The following FAM13A variants were observed in gnomAD, a reference collection of about 807,000 sequenced individuals.
The protein encoded by FAM13A is family with sequence similarity 13 member A.
FAM13A carries 76 observed loss-of-function variants against 129.6 expected under a neutral mutation model. That is an observed-to-expected ratio of 0.59 (90% CI 0.49 to 0.71). The LOEUF is 0.71. FAM13A is among the 30% of genes least tolerant of loss of function. The probability of loss-of-function intolerance (pLI) is 0.00; values close to 1 mark genes in which losing one functional copy is unlikely to be tolerated. For missense variants in FAM13A, 1,108 were observed against 1,249.3 expected (o/e 0.89, Z 1.70); for synonymous variants, 443 against 449.9 (o/e 0.98, Z 0.20).
At chr4:88,777,552 C>T (rs886959767) in intron 11 of FAM13A, among the ~76,000 whole-genome samples, 5 of 152,278 alleles carry the variant, frequency 3.3e-5, no homozygotes, top group Admixed American at 2.0e-4. Context: ...CCCCTGATTT[C>T]TGAGCTCTGA....
At chr4:88,862,259 T>A (rs937328045) in intron 6 of FAM13A, among the ~76,000 whole-genome samples, 1 of 152,192 alleles carries the variant, frequency 6.6e-6, no homozygotes, top group Non-Finnish European at 1.5e-5. Flanking sequence ...ATATATACAA[T>A]GCTATTTGAG....
At chr4:88,744,033 A>G (rs1171892697) in intron 19 of FAM13A, among the ~76,000 whole-genome samples, 2 of 152,208 alleles carry the variant, frequency 1.3e-5, no homozygotes, top group African/African-American at 4.8e-5. Context: ...TCAGGTTATC[A>G]TAATAGACAG....
chr4:88,818,985 G>A (rs966026553), intron 7 of FAM13A, among the ~76,000 whole-genome samples: 2 of 152,172 alleles, frequency 1.3e-5, no homozygotes, highest in African/African-American at 4.8e-5. Flanking sequence ...GCGATGCTTA[G>A]GAAGAACTGA....
At chr4:88,959,471 T>C (rs931165905) in intron 4 of FAM13A, among the ~76,000 whole-genome samples, 2 of 152,222 alleles carry the variant, frequency 1.3e-5, no homozygotes, top group South Asian at 4.1e-4. Flanking sequence ...TGGCATCTCC[T>C]TGCCTCTGCC....
chr4:89,003,326 G>C (rs1292259244), intron 3 of FAM13A, among the ~76,000 whole-genome samples: 2 of 151,590 alleles, frequency 1.3e-5, no homozygotes, highest in African/African-American at 4.8e-5. Context: ...AATTATGTAA[G>C]TGGGCTGGGC....
chr4:89,035,322 C>G (rs1769242962), intron 1 of FAM13A, among the ~76,000 whole-genome samples: 1 of 151,982 alleles, frequency 6.6e-6, no homozygotes. Context: ...TGCACATGCA[C>G]CCTGAATCTA....
intron 4 of FAM13A, among the ~76,000 whole-genome samples, chr4:88,970,005 G>A (rs1007910703): frequency 2.0e-5 from 3 of 152,114 alleles, no homozygotes. Context: ...AACCAAAACT[G>A]GTCACCCAGC....
intron 3 of FAM13A, among the ~76,000 whole-genome samples, chr4:89,019,491 T>C (rs1260821262): frequency 6.6e-6 from 1 of 152,150 alleles, no homozygotes; most frequent in East Asian, 1.9e-4. Context: ...CCAGGTGCAG[T>C]GGTTCATGCC....
At position 88,854,778 on chromosome 4, in the gene FAM13A, T is replaced by C. The variant is rs193214300; in HGVS notation, c.844-3595A>G. On this transcript the variant is annotated intron_variant, in intron 6 of 23. Transcript: ENST00000264344. ...ATCTGCAAGTGCGCAGTAGCTCTAA[T>C]TGTGGCATTTTTAAGGTGCTTTAGT... is the stretch of plus-strand genomic sequence containing the variant. 1.3e-3 allele frequency among the ~76,000 whole-genome samples: 202 copies of C among 152,352 alleles called. 1 individual carries two copies. Among genetic ancestry groups the C allele is most frequent in the African/African-American group, 4.6e-3 (192 of 41,592 alleles).
intron 13 of FAM13A, among the ~76,000 whole-genome samples, chr4:88,766,460 T>C (rs1234893796): frequency 6.6e-6 from 1 of 152,154 alleles, no homozygotes; most frequent in Admixed American, 6.5e-5. Flanking sequence ...GGCTAAATTA[T>C]CTGGTGAAGA....
chr4:88,745,477 G>A (rs2149450557), intron 19 of FAM13A, among the ~76,000 whole-genome samples: 1 of 152,284 alleles, frequency 6.6e-6, no homozygotes, highest in African/African-American at 2.4e-5. Context: ...CCTTGGGCAT[G>A]GAAGTCCTTA....
rs531276074 is a variant in FAM13A at position 88,965,904 on chromosome 4, G to GCTGAATAATACTC, written c.605+25056_605+25068dup. ...TATGTGACAGGATTTCCTTTTTGAG[G>GCTGAATAATACTC]CTGAATAATACTCTCTTGGTTGTAT... is the stretch of plus-strand genomic sequence containing the variant. On this transcript the variant is annotated intron_variant, in intron 4 of 23. Transcript: ENST00000264344. Among the ~76,000 whole-genome samples the GCTGAATAATACTC allele has an allele frequency of 6.2e-3, 948 of 152,220 alleles. 7 individuals are homozygous for GCTGAATAATACTC. Among genetic ancestry groups the GCTGAATAATACTC allele is most frequent in the Middle Eastern group, 0.01 (3 of 294 alleles).
chr4:88,817,494 C>T (rs1277113835), intron 7 of FAM13A, among the ~76,000 whole-genome samples: 11 of 151,222 alleles, frequency 7.3e-5, no homozygotes, highest in African/African-American at 2.7e-4. Context: ...ACCCAGGAGG[C>T]AGAGGTTGCA....
intron 3 of FAM13A, among the ~76,000 whole-genome samples, chr4:88,995,405 A>C (rs1763424702): frequency 6.6e-6 from 1 of 152,084 alleles, no homozygotes; most frequent in African/African-American, 2.4e-5. Flanking sequence ...ACCCACCCTC[A>C]GTGTCTGGGT....
At chr4:88,779,046 A>AT (rs973042143) in intron 11 of FAM13A, among the ~76,000 whole-genome samples, 3 of 151,470 alleles carry the variant, frequency 2.0e-5, no homozygotes, top group Non-Finnish European at 2.9e-5. Flanking sequence ...TTCCCTGCAT[A>AT]TTTTTTTTCT....
chr4:88,954,410 TCAAC>T (rs1757420130), intron 4 of FAM13A, among the ~76,000 whole-genome samples: 1 of 152,164 alleles, frequency 6.6e-6, no homozygotes, highest in Non-Finnish European at 1.5e-5. Context: ...CATCTATCAA[TCAAC>T]CAAAGTGTTA....
intron 3 of FAM13A, among the ~76,000 whole-genome samples, chr4:89,017,931 G>A (rs1766721869): frequency 6.6e-6 from 1 of 151,892 alleles, no homozygotes; most frequent in Admixed American, 6.6e-5. Context: ...CTGCAAATTT[G>A]CTTTCATATT....
At chr4:88,935,135 A>G (rs556897710) in intron 5 of FAM13A, among the ~76,000 whole-genome samples, 2 of 152,322 alleles carry the variant, frequency 1.3e-5, no homozygotes, top group East Asian at 3.9e-4. Flanking sequence ...GCCATGATCA[A>G]TTTTGCAGCT....
intron 6 of FAM13A, among the ~76,000 whole-genome samples, chr4:88,882,114 T>C (rs1743680075): frequency 1.3e-5 from 2 of 152,106 alleles, no homozygotes; most frequent in South Asian, 2.1e-4. Context: ...GATATCCAAA[T>C]ACAAGAATCT....
Sources: gnomAD v4.1 joint callset for allele counts (sites outside exome capture counted in the v4.1 genomes callset) on GRCh38, gnomAD v4.1.1 for gene constraint, MANE v1.5 for transcripts, NCBI Gene and HGNC (gene_info 2026-07-23, HGNC 2026-07-21) for gene names.